Variants in RYR2 observed in about 807,000 individuals in gnomAD.
RYR2 encodes cardiac muscle ryanodine receptor-calcium release channel.
Under a neutral mutation model 601.1 loss-of-function variants are expected in RYR2, and 227 were observed. The observed-to-expected ratio is 0.38, with a 90% confidence interval of 0.34 to 0.42. The LOEUF (loss-of-function observed/expected upper bound fraction) is 0.42, where lower values mean the gene tolerates loss of function less well. RYR2 is among the 10% of genes least tolerant of loss of function. The pLI, the probability that RYR2 is intolerant of heterozygous loss-of-function variation, is 1.00. For synonymous variants in RYR2, 2,223 were observed against 2,175.1 expected, an observed-to-expected ratio of 1.02 and a Z score of -0.61; for missense variants, 4,646 against 6,156.5, an observed-to-expected ratio of 0.75 and a Z score of 8.21.
intron 34 of RYR2, among the ~76,000 whole-genome samples, chr1:237,596,385 C>T (rs1048198012): frequency 6.6e-6 from 1 of 151,996 alleles, no homozygotes; most frequent in African/African-American, 2.4e-5. Flanking sequence ...TCTTGTAACT[C>T]AAGAATTCAA....
rs912008737 is a variant in RYR2, at chr1:237,149,149, T to C, written c.48+106580T>C. On this transcript the variant is annotated intron_variant, in intron 1 of 104. Transcript: ENST00000366574. ...AGGCAATAATTGATACCAACCATGA[T>C]AGAGGAAATATTTTTAGAGCTGCAT... 3.3e-5 allele frequency among the ~76,000 whole-genome samples: 5 copies of C among 152,188 alleles called. No individual in the cohort carries two copies. In the East Asian group the frequency reaches 7.7e-4, roughly 23 times the overall value.
At chr1:237,824,831 G>C (rs983912321) in intron 101 of RYR2, among the ~76,000 whole-genome samples, 1 of 152,088 alleles carries the variant, frequency 6.6e-6, no homozygotes, top group African/African-American at 2.4e-5. Context: ...AAAGTCTCAG[G>C]ATACAAAATC....
chr1:237,456,746 T>C lies in RYR2; in HGVS notation c.1612+11T>C, dbSNP rs777555909. 1 of 1,613,190 alleles carries C rather than the reference T, an allele frequency of 6.2e-7. No individual in the cohort carries two copies. The highest frequency in any genetic ancestry group is 1.7e-5 in the Admixed American group (1 of 59,928). ...TGTATGAGTTGCTGGGTAAGAAGCA[T>C]GATTGGGTTCATAGCAACAGAGTTA... is the stretch of plus-strand genomic sequence containing the variant. On this transcript the variant is annotated intron_variant, in intron 16 of 104. Transcript: ENST00000366574.
At chr1:237,103,038 C>T (rs1226724043) in intron 1 of RYR2, among the ~76,000 whole-genome samples, 1 of 152,098 alleles carries the variant, frequency 6.6e-6, no homozygotes, top group Non-Finnish European at 1.5e-5. Context: ...CAACCAAGAA[C>T]AGTTTTATTT....
At chr1:237,216,413 G>A (rs1157336275) in intron 1 of RYR2, among the ~76,000 whole-genome samples, 1 of 152,126 alleles carries the variant, frequency 6.6e-6, no homozygotes, top group Admixed American at 6.6e-5. Context: ...CAAGCCTTAA[G>A]TTGAATGTTC....
At chr1:237,311,913 C>G (rs1327646741) in intron 2 of RYR2, among the ~76,000 whole-genome samples, 1 of 152,170 alleles carries the variant, frequency 6.6e-6, no homozygotes, top group Non-Finnish European at 1.5e-5. Context: ...TTATCACATG[C>G]TATATTGCAG....
At chr1:237,657,413 C>G (rs543765364) in intron 53 of RYR2, among the ~76,000 whole-genome samples, 2 of 152,014 alleles carry the variant, frequency 1.3e-5, no homozygotes, top group East Asian at 1.9e-4. Flanking sequence ...ACTTGGTCAT[C>G]ATTTGCATGT....
At chr1:237,408,509 AG>A (rs1402813145) in intron 10 of RYR2, among the ~76,000 whole-genome samples, 6 of 151,332 alleles carry the variant, frequency 4.0e-5, no homozygotes, top group Admixed American at 3.9e-4. Context: ...GTCTATTTCT[AG>A]GCTCTCTATT....
intron 1 of RYR2, among the ~76,000 whole-genome samples, chr1:237,239,492 C>T (rs1362844): frequency 0.27 from 40,792 of 151,986 alleles, 6,432 homozygotes; most frequent in Admixed American, 0.38. Context: ...AGAAGCTGGC[C>T]GCCTCACCCT....
intron 2 of RYR2, among the ~76,000 whole-genome samples, chr1:237,281,664 C>A (rs554118912): frequency 1.3e-5 from 2 of 152,226 alleles, no homozygotes; most frequent in Non-Finnish European, 2.9e-5. Context: ...GCAGACTCCC[C>A]CCAGATGGTG....
rs790897 is a variant in RYR2, at chr1:237,832,537, C to G, written c.14809-15C>G. 12,542 of 1,562,306 alleles carry G rather than the reference C, an allele frequency of 8.0e-3. 71 individuals carry two copies. The highest frequency in any genetic ancestry group is 9.7e-3 in the Non-Finnish European group (11,049 of 1,136,182). On this transcript the variant is annotated splice_polypyrimidine_tract_variant and intron_variant, in intron 104 of 104. Coordinates refer to ENST00000366574, the MANE Select transcript of RYR2 (RefSeq NM_001035.3). ...CTTTGGGGAAAATGTTAATACATTT[C>G]CTTGACTTTTGCAGGAATCTTATGT... is the stretch of plus-strand genomic sequence containing the variant.
At position 237,434,004 on chromosome 1, in the gene RYR2, A is replaced by C. The variant is rs192514860; in HGVS notation, c.1006-7315A>C. Among the ~76,000 whole-genome samples, 30 of 152,314 alleles carry C rather than the reference A, an allele frequency of 2.0e-4. No individual in the cohort carries two copies. The Middle Eastern group carries it at 0.01, about 52-fold the overall frequency. ...TACTGATGGAAAATCAAACTTTTCTAGGTCAGTTGCAAATCTCAGCTTTCA... is the reference window on the plus strand; with the variant it reads ...TACTGATGGAAAATCAAACTTTTCTCGGTCAGTTGCAAATCTCAGCTTTCA... On this transcript the variant is annotated intron_variant, in intron 12 of 104. Coordinates refer to ENST00000366574, the MANE Select transcript of RYR2 (RefSeq NM_001035.3).
intron 101 of RYR2, among the ~76,000 whole-genome samples, chr1:237,827,932 G>A (rs1360253928): frequency 1.2e-4 from 9 of 78,064 alleles, no homozygotes; most frequent in Admixed American, 2.4e-4. Flanking sequence ...ATGAGACTCC[G>A]TCTCAAAAAA....
intron 25 of RYR2, among the ~76,000 whole-genome samples, chr1:237,544,121 T>C (rs1172514002): frequency 1.3e-5 from 2 of 152,206 alleles, no homozygotes; most frequent in East Asian, 3.8e-4. Flanking sequence ...TATTAAATTA[T>C]GTAGTTGCCA....
At chr1:237,355,685 T>G (rs2149690581) in intron 3 of RYR2, among the ~76,000 whole-genome samples, 1 of 152,316 alleles carries the variant, frequency 6.6e-6, no homozygotes, top group African/African-American at 2.4e-5. Flanking sequence ...ATGTTCATGT[T>G]TGCTTTTAAA....
In RYR2 at chr1:237,717,073, G is replaced by A. The variant is rs1038992128; in HGVS notation, c.10324-125G>A. Reference sequence around the variant, plus strand: ...GAGAAAAATTATTCTCAAAACAGGAGGATTTTCAAAACTAGGGAGCAGCAG... The same window carrying A: ...GAGAAAAATTATTCTCAAAACAGGAAGATTTTCAAAACTAGGGAGCAGCAG... On this transcript the variant is annotated intron_variant, in intron 71 of 104. Coordinates refer to ENST00000366574, the MANE Select transcript of RYR2 (RefSeq NM_001035.3). The A allele has an allele frequency of 5.1e-6, 4 of 788,460 alleles. No homozygotes were observed. The Admixed American group carries it at 1.1e-4, about 22-fold the overall frequency. The allele number at this position is 788,460 out of a possible 1,614,324, so 48.8% of individuals were successfully genotyped here.
intron 87 of RYR2, 62 bp from the exon 88 acceptor site, chr1:237,778,604 T>C: frequency 1.2e-6 from 1 of 838,326 alleles, no homozygotes; most frequent in Non-Finnish European, 2.0e-6. Context: ...CCTGTTATTG[T>C]ACAGTTTGTT....
chr1:237,585,916 A>G (rs1380489752), intron 29 of RYR2, among the ~76,000 whole-genome samples: 1 of 152,210 alleles, frequency 6.6e-6, no homozygotes, highest in Non-Finnish European at 1.5e-5. Context: ...TTTGGAAAAT[A>G]CACAGGAATA....
rs1434368416 is a variant in RYR2, at chr1:237,794,518, AT to A, written c.13913+524del. Among the ~76,000 whole-genome samples, 4 of 152,322 alleles carry A rather than the reference AT, an allele frequency of 2.6e-5. No homozygotes were observed. In the East Asian group the frequency reaches 5.8e-4, roughly 22 times the overall value. On this transcript the variant is annotated intron_variant, in intron 95 of 104. Transcript: ENST00000366574. ...CAAATGCTTTTTCTATCCAATAAAC[AT>A]TTAGCCCTGTGAGATCAAGACCCAA...
Sources: allele counts gnomAD v4.1 joint callset (sites outside exome capture counted in the v4.1 genomes callset), GRCh38; gene constraint gnomAD v4.1.1; transcripts MANE v1.5; gene names NCBI Gene and HGNC (gene_info 2026-07-23, HGNC 2026-07-21).